The following GSE1 variants were observed in gnomAD, a reference collection of about 807,000 sequenced individuals.
The protein encoded by GSE1 is genetic suppressor element 1.
In GSE1, 32 loss-of-function variants were observed where a neutral mutation model predicts 112.6. The observed-to-expected ratio is 0.28, with a 90% CI of 0.21 to 0.38. The LOEUF (loss-of-function observed/expected upper bound fraction) is 0.38. GSE1 is among the 10% of genes least tolerant of loss of function. The pLI is 1.00. For missense variants in GSE1, 2,348 were observed against 1,699.2 expected (o/e 1.38, Z -6.71); for synonymous variants, 1,115 against 735.6 (o/e 1.52, Z -8.35).
At chr16:85,289,367 C>A (rs868262808) in intron 1 of GSE1, among the ~76,000 whole-genome samples, 1 of 152,164 alleles carries the variant, frequency 6.6e-6, no homozygotes, top group Non-Finnish European at 1.5e-5. Flanking sequence ...ACTGTGGCCA[C>A]CCGTGTCCAG....
chr16:85,280,166 C>A (rs2044814982), intron 1 of GSE1, among the ~76,000 whole-genome samples: 1 of 152,180 alleles, frequency 6.6e-6, no homozygotes, highest in African/African-American at 2.4e-5. Context: ...CCCAGCTTCC[C>A]AGCAGGCGGT....
chr16:85,189,501 G>C (rs193191916), intron 1 of GSE1, among the ~76,000 whole-genome samples: 1 of 152,190 alleles, frequency 6.6e-6, no homozygotes. Flanking sequence ...GTGAAAATGG[G>C]AGGTTAGGGA....
chr16:85,674,221 G>C lies in GSE1; in HGVS notation c.*1682G>C, dbSNP rs1481228015. On this transcript the variant is annotated 3_prime_UTR_variant, in exon 16 of 16. Transcript: ENST00000253458. Reference sequence around the variant, plus strand: ...ACCAGCAGCCGAGCCCTTGGCCCTAGCCCTTGCTGCGCAGAACAGCTTGCT... The same window carrying C: ...ACCAGCAGCCGAGCCCTTGGCCCTACCCCTTGCTGCGCAGAACAGCTTGCT... The C allele has an allele frequency of 6.6e-6, 1 of 152,358 alleles. No individual in the cohort carries two copies. The highest frequency in any genetic ancestry group is 2.4e-5 in the African/African-American group (1 of 41,478). 9.4% of individuals were successfully genotyped at this position (152,358 alleles called of 1,614,324 possible).
At position 85,661,559 on chromosome 16, in the gene GSE1, T is replaced by C. The variant is rs1598659351; in HGVS notation, c.2054T>C (p.Ile685Thr). The C allele has an allele frequency of 1.9e-6, 3 of 1,611,508 alleles. No homozygotes were observed. Among genetic ancestry groups the C allele is most frequent in the African/African-American group, 2.7e-5 (2 of 74,946 alleles). Residue 685 changes from isoleucine (I) to threonine (T), a missense_variant, in exon 9 of 16, where the codon ATC becomes ACC. Transcript: ENST00000253458. ...LAELEKSTQT[I>T]LGQQRASLPQ... ...GAGCTCGAGAAGTCCACCCAGACCA[T>C]CCTGGGCCAGCAGCGGGCCTCCCTC...
chr16:85,376,217 G>A (rs999960702), intron 2 of GSE1, among the ~76,000 whole-genome samples: 1 of 152,178 alleles, frequency 6.6e-6, no homozygotes, highest in East Asian at 1.9e-4. Context: ...TGAGATGGCC[G>A]CAGAGAGGCC....
chr16:85,451,773 GTGCGCTGGTGGTGGTTGGTGCC>G (rs1458743661), intron 2 of GSE1, among the ~76,000 whole-genome samples: 2 of 142,816 alleles, frequency 1.4e-5, no homozygotes, highest in African/African-American at 2.6e-5. Context: ...TGGTTGGTGC[GTGCGCTGGTGGTGGTTGGTGCC>G]TGCGCTGGTG....
intron 2 of GSE1, among the ~76,000 whole-genome samples, chr16:85,413,584 G>A (rs546034086): frequency 2.5e-4 from 38 of 152,154 alleles, no homozygotes; most frequent in African/African-American, 8.2e-4. Context: ...CACACGCTTC[G>A]CAAATGGACA....
chr16:85,567,866 G>A (rs762250954), intron 1 of GSE1, among the ~76,000 whole-genome samples: 4 of 152,124 alleles, frequency 2.6e-5, no homozygotes, highest in African/African-American at 4.8e-5. Flanking sequence ...GGGATCACAC[G>A]TATGCACCAC....
At chr16:85,421,846 C>T (rs1011118697) in intron 2 of GSE1, among the ~76,000 whole-genome samples, 5 of 152,042 alleles carry the variant, frequency 3.3e-5, no homozygotes, top group African/African-American at 9.7e-5. Flanking sequence ...GGAATGGCTT[C>T]CGGGGTGAGG....
chr16:85,398,671 C>T (rs1193872769), intron 2 of GSE1, among the ~76,000 whole-genome samples: 1 of 152,028 alleles, frequency 6.6e-6, no homozygotes, highest in Non-Finnish European at 1.5e-5. Flanking sequence ...AGGTTAGGAT[C>T]GAGGGGCTCA....
intron 1 of GSE1, among the ~76,000 whole-genome samples, chr16:85,228,291 G>A (rs2075524062): frequency 6.6e-6 from 1 of 152,228 alleles, no homozygotes; most frequent in Non-Finnish European, 1.5e-5. Context: ...TCTTTCCTGT[G>A]GCTGCTGGGG....
rs189236849 is a variant in GSE1 at position 85,620,981 on chromosome 16, C to T, written c.7+7583C>T. 6.1e-4 allele frequency among the ~76,000 whole-genome samples: 90 copies of T among 147,580 alleles called. 1 individual carries two copies. The highest frequency in any genetic ancestry group is 2.2e-4 in the South Asian group (1 of 4,598). On this transcript the variant is annotated intron_variant, in intron 1 of 15. Coordinates refer to ENST00000253458, the MANE Select transcript of GSE1 (RefSeq NM_014615.5). ...GTTGGGGAACCCGTGTAGATGGTCT[C>T]GGCCCGGGGTCTCTGCTGTGTTGGG...
chr16:85,172,413 A>G (rs968200433), intron 1 of GSE1, among the ~76,000 whole-genome samples: 1 of 152,196 alleles, frequency 6.6e-6, no homozygotes, highest in African/African-American at 2.4e-5. Flanking sequence ...CCCCAGCGGG[A>G]AGAGAGTCTT....
chr16:85,567,090 G>C (rs2045787277), intron 1 of GSE1, among the ~76,000 whole-genome samples: 1 of 145,726 alleles, frequency 6.9e-6, no homozygotes, highest in Non-Finnish European at 1.5e-5. Flanking sequence ...TTTCTCTCCT[G>C]GAAAGTTTCA....
chr16:85,537,659 C>T (rs890745249), intron 2 of GSE1, among the ~76,000 whole-genome samples: 3 of 152,236 alleles, frequency 2.0e-5, no homozygotes, highest in South Asian at 2.1e-4. Context: ...TGGTTGGCTT[C>T]GTACCTGGCC....
At chr16:85,375,372 C>A (rs1242823460) in intron 2 of GSE1, among the ~76,000 whole-genome samples, 1 of 152,166 alleles carries the variant, frequency 6.6e-6, no homozygotes, top group Admixed American at 6.5e-5. Context: ...AGCAGGACCG[C>A]AGCCATGAGG....
chr16:85,430,693 C>T (rs1165879501), intron 2 of GSE1, among the ~76,000 whole-genome samples: 1 of 152,228 alleles, frequency 6.6e-6, no homozygotes, highest in Admixed American at 6.5e-5. Context: ...GGGCTGGGCA[C>T]AGGGCGGCGG....
At chr16:85,598,615 A>G (rs1342694469) in intron 1 of GSE1, among the ~76,000 whole-genome samples, 3 of 152,248 alleles carry the variant, frequency 2.0e-5, no homozygotes, top group African/African-American at 7.2e-5. Flanking sequence ...GGAGCATTGC[A>G]GCAAAGGCAA....
intron 1 of GSE1, among the ~76,000 whole-genome samples, chr16:85,274,713 C>G (rs939834035): frequency 6.6e-6 from 1 of 152,238 alleles, no homozygotes; most frequent in East Asian, 1.9e-4. Context: ...TGGGAGGAAC[C>G]AAACCCAGAG....
Sources: allele counts gnomAD v4.1 joint callset (sites outside exome capture counted in the v4.1 genomes callset), GRCh38; gene constraint gnomAD v4.1.1; transcripts MANE v1.5; gene names NCBI Gene and HGNC (gene_info 2026-07-23, HGNC 2026-07-21).